The following FCHO2 variants were observed in gnomAD, a reference collection of about 807,000 sequenced individuals.
FCHO2 encodes the protein FCH and mu domain containing endocytic adaptor 2.
In FCHO2, 43 loss-of-function variants were observed where a neutral mutation model predicts 114.1. That is an observed-to-expected ratio of 0.38 (90% CI 0.30 to 0.49). FCHO2 has a LOEUF of 0.49. FCHO2 is among the 20% of genes least tolerant of loss of function. The pLI is 0.97. For missense variants in FCHO2, 807 were observed against 950.4 expected (o/e 0.85, Z 1.98); for synonymous variants, 293 against 315.2 (o/e 0.93, Z 0.75).
intron 15 of FCHO2, among the ~76,000 whole-genome samples, chr5:73,055,392 T>G (rs1382048284): frequency 6.6e-6 from 1 of 152,194 alleles, no homozygotes; most frequent in African/African-American, 2.4e-5. Flanking sequence ...TTTGTGGAAG[T>G]TACTCATATT....
At position 73,051,268 on chromosome 5, in the gene FCHO2, A is replaced by G. The variant is rs928823357; in HGVS notation, c.940-81A>G. On this transcript the variant is annotated intron_variant, in intron 11 of 25. Coordinates refer to ENST00000430046, the MANE Select transcript of FCHO2 (RefSeq NM_138782.3). ...TGAGAAGCGGTTTGGTTCCTAAGTA[A>G]TACCTGAGGCTACTTTGATAATCTC... is the stretch of plus-strand genomic sequence containing the variant. The G allele has an allele frequency of 7.4e-6, 7 of 944,592 alleles. No homozygotes were observed. The Admixed American group carries it at 1.3e-4, about 18-fold the overall frequency. 58.5% of individuals were successfully genotyped at this position (944,592 alleles called of 1,614,324 possible).
intron 5 of FCHO2, among the ~76,000 whole-genome samples, chr5:73,000,089 T>C (rs1754351480): frequency 6.7e-6 from 1 of 149,992 alleles, no homozygotes; most frequent in Non-Finnish European, 1.5e-5. Flanking sequence ...CACTGTAACC[T>C]TGAACTCCCA....
Position 73,088,690 on chromosome 5 carries a change from T to C in FCHO2, c.*600T>C, listed in dbSNP as rs1039389105. 6.6e-6 allele frequency: 1 copy of C among 152,524 alleles called. No homozygotes were observed. The highest frequency in any genetic ancestry group is 6.6e-5 in the Admixed American group (1 of 15,264). 9.4% of individuals were successfully genotyped at this position (152,524 alleles called of 1,614,324 possible). On this transcript the variant is annotated 3_prime_UTR_variant, in exon 26 of 26. Transcript: ENST00000430046. ...TATAAGTGATGTTTTATATGATTTTTAAAAAAAATTCTCAAGTGCAATGTG... is the reference window on the plus strand; with the variant it reads ...TATAAGTGATGTTTTATATGATTTTCAAAAAAAATTCTCAAGTGCAATGTG...
intron 2 of FCHO2, among the ~76,000 whole-genome samples, chr5:72,975,378 G>A (rs1359516596): frequency 6.6e-6 from 1 of 152,202 alleles, no homozygotes; most frequent in Non-Finnish European, 1.5e-5. Flanking sequence ...CCAGGCTGGA[G>A]TGCAGTGGCT....
intron 5 of FCHO2, among the ~76,000 whole-genome samples, chr5:73,000,546 C>T (rs190881628): frequency 3.3e-5 from 5 of 149,334 alleles, no homozygotes; most frequent in Admixed American, 2.7e-4. Flanking sequence ...GAGGCCAAAG[C>T]GGGCGGATCA....
chr5:73,018,478 C>G (rs138899250), intron 8 of FCHO2, among the ~76,000 whole-genome samples: 1 of 151,414 alleles, frequency 6.6e-6, no homozygotes, highest in African/African-American at 2.4e-5. Context: ...GGTTTCAGAG[C>G]CTTTAAGGAT....
intron 18 of FCHO2, among the ~76,000 whole-genome samples, chr5:73,066,575 CTTTTTTT>C (rs3054234): frequency 2.0e-5 from 2 of 101,424 alleles, no homozygotes; most frequent in African/African-American, 7.1e-5. Context: ...AGTGCCTTTT[CTTTTTTT>C]TTTTTTTTTT....
At chr5:73,006,159 A>G (rs182324944) in intron 5 of FCHO2, among the ~76,000 whole-genome samples, 25 of 152,284 alleles carry the variant, frequency 1.6e-4, no homozygotes, top group Middle Eastern at 3.4e-3. Flanking sequence ...ATTATAATGT[A>G]ATTATGCAAT....
intron 14 of FCHO2, 103 bp downstream of exon 14, chr5:73,054,274 GT>G: frequency 9.4e-7 from 1 of 1,062,086 alleles, no homozygotes; most frequent in Non-Finnish European, 1.3e-6. Flanking sequence ...AGATTAGCAA[GT>G]TTTAGTGTTT....
intron 6 of FCHO2, among the ~76,000 whole-genome samples, chr5:73,006,859 TTAG>T (rs1447601137): frequency 6.6e-6 from 1 of 152,118 alleles, no homozygotes; most frequent in East Asian, 1.9e-4. Context: ...TGGAAGTGAC[TTAG>T]TAGTGAGGCT....
At chr5:73,058,274 G>T in intron 16 of FCHO2, 159 bp from the exon 17 acceptor site, 2 of 458,156 alleles carry the variant, frequency 4.4e-6, no homozygotes, top group Non-Finnish European at 7.7e-6. Context: ...GCCTCCAGAA[G>T]TGTTGGGATT....
intron 1 of FCHO2, among the ~76,000 whole-genome samples, chr5:72,963,902 G>GTTTTTTTTTTTTTTTTTTT (rs70973214): frequency 1.0e-5 from 1 of 95,694 alleles, no homozygotes; most frequent in Non-Finnish European, 1.9e-5. Flanking sequence ...GGAACTTTCA[G>GTTTTTTTTTTTTTTTTTTT]TTTTTTTTTT....
At position 73,020,844 on chromosome 5, in the gene FCHO2, G is replaced by A. The variant is rs542914975; in HGVS notation, c.796+3536G>A. On this transcript the variant is annotated intron_variant, in intron 8 of 25. Coordinates refer to ENST00000430046, the MANE Select transcript of FCHO2 (RefSeq NM_138782.3). Reference sequence around the variant, plus strand: ...CGATGCTGCCGAGCTGCTCATCTGAGATATTTACTCTGACCATTAAGTGTA... The same window carrying A: ...CGATGCTGCCGAGCTGCTCATCTGAAATATTTACTCTGACCATTAAGTGTA... The A allele has an allele frequency of 1.2e-5, 11 of 939,026 alleles. No individual in the cohort carries two copies. In the Admixed American group the frequency reaches 1.5e-4, roughly 13 times the overall value. 58.2% of individuals were successfully genotyped at this position (939,026 alleles called of 1,614,324 possible).
chr5:73,015,686 T>A lies in FCHO2; in HGVS notation c.661T>A (p.Ser221Thr). 2 of 1,584,806 alleles carry A rather than the reference T, an allele frequency of 1.3e-6. No individual in the cohort carries two copies. The highest frequency in any genetic ancestry group is 1.7e-6 in the Non-Finnish European group (2 of 1,170,810). ...IHIKEIIGSL[S>T]NAIKEIHLQI... ...CATAAAGGAAATTATAGGATCCTTG[T>A]CAAATGCTATAAAGGAAATTCATTT... is the stretch of plus-strand genomic sequence containing the variant. The change falls in exon 7 of 26, where the codon TCA becomes ACA. Residue 221 changes from serine to threonine, a missense_variant. Physicochemically the swap from Ser to Thr is moderately conservative, Grantham distance 58. Coordinates refer to ENST00000430046, the MANE Select transcript of FCHO2 (RefSeq NM_138782.3).
chr5:73,047,159 G>C lies in FCHO2; in HGVS notation c.940-4190G>C, dbSNP rs148677800. Among the ~76,000 whole-genome samples, 6 of 149,700 alleles carry C rather than the reference G, an allele frequency of 4.0e-5. No homozygotes were observed. In the East Asian group the frequency reaches 1.2e-3, roughly 29 times the overall value. ...TTTGTCACATTTGCATTCTCTCTCT[G>C]TTTGTGCATGTGTTTATATGTGTAT... On this transcript the variant is annotated intron_variant, in intron 11 of 25. Coordinates refer to ENST00000430046, the MANE Select transcript of FCHO2 (RefSeq NM_138782.3).
At chr5:73,004,866 C>T (rs966624727) in intron 5 of FCHO2, among the ~76,000 whole-genome samples, 2 of 152,030 alleles carry the variant, frequency 1.3e-5, no homozygotes, top group African/African-American at 2.4e-5. Flanking sequence ...TCTTACTGTG[C>T]CTAATTTATA....
intron 5 of FCHO2, among the ~76,000 whole-genome samples, chr5:73,003,863 G>T (rs1269946063): frequency 1.3e-5 from 2 of 151,608 alleles, no homozygotes; most frequent in Non-Finnish European, 2.9e-5. Context: ...GGCCAACATG[G>T]TGAGTGAGAC....
At chr5:73,028,981 A>G (rs1420446940) in intron 8 of FCHO2, among the ~76,000 whole-genome samples, 5 of 152,170 alleles carry the variant, frequency 3.3e-5, no homozygotes, top group Non-Finnish European at 1.5e-5. Context: ...ACTTTCTAGA[A>G]AATGTACACT....
At chr5:72,957,757 A>G (rs1394761648) in intron 1 of FCHO2, among the ~76,000 whole-genome samples, 2 of 152,216 alleles carry the variant, frequency 1.3e-5, no homozygotes, top group Admixed American at 6.5e-5. Context: ...AGGAACTGCC[A>G]TACTATTCTG....
Sources: gnomAD v4.1 joint callset for allele counts (sites outside exome capture counted in the v4.1 genomes callset) on GRCh38, gnomAD v4.1.1 for gene constraint, MANE v1.5 for transcripts, NCBI Gene and HGNC (gene_info 2026-07-23, HGNC 2026-07-21) for gene names.